Variants in STAG3 observed in about 807,000 individuals in gnomAD.
STAG3 encodes the protein STAG3 cohesin complex component, also known as cohesin subunit SA-3.
A neutral mutation model predicts 160.7 loss-of-function variants in STAG3; 101 were observed. The observed-to-expected ratio is 0.63, with a 90% CI of 0.54 to 0.74. STAG3 has a LOEUF of 0.74. Ranked by LOEUF, STAG3 falls within the 30% of genes least tolerant of loss-of-function variation. STAG3 has a pLI of 0.00. For missense variants in STAG3, 1,188 were observed against 1,517.4 expected, an observed-to-expected ratio of 0.78 and a Z score of 3.61; for synonymous variants, 519 against 585.0, an observed-to-expected ratio of 0.89 and a Z score of 1.63.
At position 100,198,557 on chromosome 7, in the gene STAG3, GCCGCA is replaced by G; in HGVS notation, c.1328_1332del (p.Ala443GlyfsTer12). 1 of 1,613,984 alleles carries G rather than the reference GCCGCA, an allele frequency of 6.2e-7. No homozygotes were observed. The highest frequency in any genetic ancestry group is 1.1e-5 in the South Asian group (1 of 91,072). ...TGCCTCTCATCGAGGCCTGGCCTCT[GCCGCA>G]GGCGAATTTCTGTACTGGAAGTGAG... On this transcript the variant is annotated frameshift_variant, in exon 13 of 34. Coordinates refer to ENST00000615138, the MANE Select transcript of STAG3 (RefSeq NM_001282717.2). LOFTEE classifies it high-confidence loss of function.
chr7:100,180,698 C>A (rs1330436167), intron 2 of STAG3, 26 bp downstream of exon 2: 1 of 1,389,362 alleles, frequency 7.2e-7, no homozygotes, highest in Non-Finnish European at 1.0e-6. Flanking sequence ...ATTGTGTGGC[C>A]ACTTCCTGTG....
chr7:100,199,127 C>T, intron 14 of STAG3, 135 bp from the exon 15 acceptor site: 3 of 823,486 alleles, frequency 3.6e-6, no homozygotes, highest in South Asian at 3.1e-5. Context: ...CTGTCTCTAT[C>T]GAAAAAAAAA....
intron 9 of STAG3, among the ~76,000 whole-genome samples, 194 bp from the exon 10 acceptor site, chr7:100,196,962 A>G (rs1395943460): frequency 6.6e-6 from 1 of 152,220 alleles, no homozygotes; most frequent in Non-Finnish European, 1.5e-5. Flanking sequence ...AAGAGATCCT[A>G]TCCCTTAAAA....
chr7:100,199,313 G>A lies in STAG3; in HGVS notation c.1519G>A (p.Ala507Thr). 1.9e-6 allele frequency: 3 copies of A among 1,614,172 alleles called. No homozygotes were observed. The highest frequency in any genetic ancestry group is 1.7e-6 in the Non-Finnish European group (2 of 1,180,020). Residue 507 changes from alanine (A) to threonine (T), a missense_variant, in exon 15 of 34, where the codon GCT (alanine) becomes ACT (threonine). By Grantham distance (58) the Ala-to-Thr change is moderately conservative. This residue lies in a region of STAG3 where 240 missense variants were observed against 358.1 expected (regional missense o/e 0.67). Transcript: ENST00000615138. ...LVDSLWDCAGARLKDWEGLTS... is the reference protein window; with the variant it reads ...LVDSLWDCAGTRLKDWEGLTS... ...AGACAGTCTGTGGGACTGTGCAGGG[G>A]CTCGGCTGAAGGACTGGGAGGGTCT...
In STAG3 at chr7:100,198,515, G is replaced by A. The variant is rs771992591; in HGVS notation, c.1285G>A (p.Val429Ile). Residue 429 changes from valine (V) to isoleucine (I), a missense_variant, in exon 13 of 34, where the codon GTC becomes ATC. Physicochemically the swap from Val to Ile is conservative, Grantham distance 29. Coordinates refer to ENST00000615138, the MANE Select transcript of STAG3 (RefSeq NM_001282717.2). Reference sequence around the variant, plus strand: ...GCTGACGGACGCGGATTGTGAGAGCGTCTACCCAGTTGTGTATGCCTCTCA... The same window carrying A: ...GCTGACGGACGCGGATTGTGAGAGCATCTACCCAGTTGTGTATGCCTCTCA... ...GVLTDADCES[V>I]YPVVYASHRG... The A allele has an allele frequency of 9.3e-6, 15 of 1,614,098 alleles. No individual in the cohort carries two copies. The highest frequency in any genetic ancestry group is 4.0e-5 in the African/African-American group (3 of 74,934).
intron 4 of STAG3, among the ~76,000 whole-genome samples, chr7:100,184,825 A>T (rs753279023): frequency 1.9e-4 from 29 of 151,784 alleles, no homozygotes; most frequent in Non-Finnish European, 4.4e-5. Context: ...TATTAAACAT[A>T]GTCATTTTAT....
rs1436464049 is a variant in STAG3, at chr7:100,193,211, T to C, written c.868-2098T>C. Among the ~76,000 whole-genome samples the C allele has an allele frequency of 6.6e-5, 10 of 152,336 alleles. No homozygotes were observed. The South Asian group carries it at 2.1e-3, about 32-fold the overall frequency. On this transcript the variant is annotated intron_variant, in intron 8 of 33. Coordinates refer to ENST00000615138, the MANE Select transcript of STAG3 (RefSeq NM_001282717.2). ...AACCATACTGTGAACAGATGTGATATCAGTTAGGCTTTGTTGTTTCATTTA... is the reference window on the plus strand; with the variant it reads ...AACCATACTGTGAACAGATGTGATACCAGTTAGGCTTTGTTGTTTCATTTA...
chr7:100,201,389 G>A (rs1167556989), intron 21 of STAG3, 38 bp downstream of exon 21: 3 of 1,591,810 alleles, frequency 1.9e-6, no homozygotes, highest in African/African-American at 1.3e-5. Flanking sequence ...GGGGCTGGGG[G>A]GCTAGATTTT....
At chr7:100,208,080 C>T (rs1384582630) in intron 29 of STAG3, among the ~76,000 whole-genome samples, 26 of 151,668 alleles carry the variant, frequency 1.7e-4, no homozygotes, top group Admixed American at 1.7e-3. Context: ...TGTTCCACTG[C>T]ACTCCAACCT....
downstream of STAG3, among the ~76,000 whole-genome samples, chr7:100,217,774 C>T (rs373364082): frequency 1.1e-4 from 17 of 152,266 alleles, no homozygotes; most frequent in East Asian, 1.9e-3. Context: ...TACATCATTA[C>T]TTCTTCTATG....
intron 25 of STAG3, 63 bp downstream of exon 25, chr7:100,202,653 A>T: frequency 6.3e-7 from 1 of 1,575,062 alleles, no homozygotes; most frequent in Non-Finnish European, 8.6e-7. Flanking sequence ...CATGACTTGG[A>T]AACATAATAG....
chr7:100,187,550 G>A (rs575208944), intron 5 of STAG3, among the ~76,000 whole-genome samples: 57 of 152,304 alleles, frequency 3.7e-4, no homozygotes, highest in African/African-American at 1.3e-3. Context: ...AACTGAAGGT[G>A]GAGGTGCAGC....
At position 100,201,115 on chromosome 7, in the gene STAG3, T is replaced by A. The variant is rs1356802887; in HGVS notation, c.2087T>A (p.Val696Glu). 1.9e-6 allele frequency: 3 copies of A among 1,614,182 alleles called. No individual in the cohort carries two copies. Residue 696 changes from valine (V) to glutamate (E), a missense_variant, in exon 20 of 34, where the codon GTA becomes GAA. Transcript: ENST00000615138. Reference sequence around the variant, plus strand: ...TCGTCCTTCCTAGATGAGGATGAGGTATATAATCTGGCAGCCACTCTGAAA... The same window carrying A: ...TCGTCCTTCCTAGATGAGGATGAGGAATATAATCTGGCAGCCACTCTGAAA... ...LQSSFLDEDE[V>E]YNLAATLKRL... is the part of the protein sequence containing the mutation.
chr7:100,180,840 G>A (rs542123227), intron 2 of STAG3, 168 bp downstream of exon 2: 27 of 557,856 alleles, frequency 4.8e-5, no homozygotes, highest in African/African-American at 9.6e-5. Flanking sequence ...TTTTTTTGGC[G>A]GTCCTAGATG....
At position 100,213,892 on chromosome 7, in the gene STAG3, C is replaced by T. The variant is rs1336264639; in HGVS notation, c.3672+86C>T. ...ACTCATCAAATTGACAGGCCATAGC[C>T]TGGGGGTGGCCCTCTGGGCTGTCTC... On this transcript the variant is annotated intron_variant, in intron 33 of 33. Transcript: ENST00000615138. 4 of 1,613,010 alleles carry T rather than the reference C, an allele frequency of 2.5e-6. No individual in the cohort carries two copies. In the East Asian group the frequency reaches 6.7e-5, roughly 27 times the overall value.
chr7:100,190,786 A>G (rs1456244438), intron 8 of STAG3, among the ~76,000 whole-genome samples: 1 of 151,974 alleles, frequency 6.6e-6, no homozygotes, highest in Non-Finnish European at 1.5e-5. Flanking sequence ...CCTTTTTGCT[A>G]CCTAGCTTAT....
intron 15 of STAG3, 84 bp downstream of exon 15, chr7:100,199,451 G>A: frequency 6.5e-7 from 1 of 1,548,070 alleles, no homozygotes; most frequent in South Asian, 1.1e-5. Flanking sequence ...ACTTGTACAA[G>A]GCAGCAACGG....
Position 100,205,404 on chromosome 7 carries a change from T to C in STAG3, c.3238+20T>C. 1 of 1,580,080 alleles carries C rather than the reference T, an allele frequency of 6.3e-7. No individual in the cohort carries two copies. The highest frequency in any genetic ancestry group is 8.6e-7 in the Non-Finnish European group (1 of 1,164,198). ...TTGAAGGTAGGGTGCTGTGTGTGGG[T>C]ATGGGGGTGCCCAGCAGGTGGTCGT... On this transcript the variant is annotated intron_variant, in intron 29 of 33. Coordinates refer to ENST00000615138, the MANE Select transcript of STAG3 (RefSeq NM_001282717.2).
intron 31 of STAG3, 83 bp from the exon 32 acceptor site, chr7:100,211,712 T>C (rs1389995665): frequency 1.3e-6 from 2 of 1,501,480 alleles, no homozygotes; most frequent in Non-Finnish European, 1.8e-6. Context: ...TGCTCCCCAC[T>C]TCCCCCACCC....
Sources: allele counts gnomAD v4.1 joint callset (sites outside exome capture counted in the v4.1 genomes callset), GRCh38; gene constraint gnomAD v4.1.1; regional missense constraint gnomAD v4.1.1; transcripts MANE v1.5; gene names NCBI Gene and HGNC (gene_info 2026-07-23, HGNC 2026-07-21).